The following MEPE variants were observed in gnomAD, a reference collection of about 807,000 sequenced individuals.
The protein encoded by MEPE is matrix extracellular phosphoglycoprotein, also known as matrix, extracellular phosphoglycoprotein with ASARM motif (bone).
A neutral mutation model predicts 7.3 loss-of-function variants in MEPE; 7 were observed. That is an observed-to-expected ratio of 0.95 (90% confidence interval 0.54 to 1.79). The LOEUF is 1.79. Ranked by LOEUF, MEPE falls within the 40% of genes most tolerant of loss-of-function variation. The pLI is 0.00. For missense variants in MEPE, 623 were observed against 628.2 expected (o/e 0.99, Z 0.09); for synonymous variants, 214 against 213.1 (o/e 1.00, Z -0.04).
At chr4:87,828,934 A>G (rs1324574911), upstream of MEPE, among the ~76,000 whole-genome samples, 1 of 152,160 alleles carries the variant, frequency 6.6e-6, no homozygotes, top group Non-Finnish European at 1.5e-5. Flanking sequence ...TTTTCCAGTT[A>G]AATAGAGATG....
At chr4:87,838,953 C>T (rs952054581) in intron 3 of MEPE, among the ~76,000 whole-genome samples, 2 of 152,210 alleles carry the variant, frequency 1.3e-5, no homozygotes, top group African/African-American at 4.8e-5. Context: ...GCCAGGCAAC[C>T]TTCATGGGGC....
At chr4:87,840,959 A>G (rs1226363782) in intron 3 of MEPE, among the ~76,000 whole-genome samples, 1 of 152,244 alleles carries the variant, frequency 6.6e-6, no homozygotes, top group African/African-American at 2.4e-5. Flanking sequence ...ATTTAACACA[A>G]GCAAATGTAA....
At chr4:87,832,389 C>T (rs1446205292), upstream of MEPE, among the ~76,000 whole-genome samples, 1 of 152,158 alleles carries the variant, frequency 6.6e-6, no homozygotes, top group African/African-American at 2.4e-5. Flanking sequence ...ACCCCCAATG[C>T]TTGTTACTCC....
intron 1 of MEPE, among the ~76,000 whole-genome samples, chr4:87,824,334 T>C (rs1391021525): frequency 6.6e-6 from 1 of 152,236 alleles, no homozygotes; most frequent in African/African-American, 2.4e-5. Context: ...TACAGAATTC[T>C]GAAAGACAGT....
At chr4:87,822,765 T>G (rs1236474404) in intron 1 of MEPE, among the ~76,000 whole-genome samples, 1 of 152,112 alleles carries the variant, frequency 6.6e-6, no homozygotes, top group Non-Finnish European at 1.5e-5. Flanking sequence ...CAACTGAAAC[T>G]AAAGAGACGA....
At chr4:87,841,143 C>T (rs922675284) in intron 3 of MEPE, among the ~76,000 whole-genome samples, 24 of 151,802 alleles carry the variant, frequency 1.6e-4, no homozygotes, top group Admixed American at 1.4e-3. Flanking sequence ...AGAGAAGCAC[C>T]GAAAATAAAA....
At chr4:87,823,553 C>G (rs576791370) in intron 1 of MEPE, among the ~76,000 whole-genome samples, 18 of 152,328 alleles carry the variant, frequency 1.2e-4, no homozygotes, top group African/African-American at 3.8e-4. Context: ...TTTTGCAAAA[C>G]TAAAGCTTTA....
chr4:87,840,107 A>G (rs13130999), intron 3 of MEPE: 272,880 of 1,517,970 alleles, frequency 0.18, 25,905 homozygotes, highest in Middle Eastern at 0.22. Context: ...GTGTTTTATA[A>G]GAAAGTTTTC....
At chr4:87,822,225 G>A (rs1020767706) in intron 1 of MEPE, among the ~76,000 whole-genome samples, 10 of 152,126 alleles carry the variant, frequency 6.6e-5, no homozygotes, top group African/African-American at 1.9e-4. Context: ...TTTGATTGGC[G>A]TATTATTTCA....
chr4:87,835,615 G>A lies in MEPE; in HGVS notation c.54+847G>A, dbSNP rs1722757471. 2.0e-5 allele frequency among the ~76,000 whole-genome samples: 3 copies of A among 152,174 alleles called. No homozygotes were observed. In the South Asian group the frequency reaches 6.2e-4, roughly 32 times the overall value. On this transcript the variant is annotated intron_variant, in intron 2 of 3. Coordinates refer to ENST00000361056, the MANE Select transcript of MEPE (RefSeq NM_020203.6). The stretch of plus-strand genomic sequence containing the variant: ...GACCAGGGAAGCAGAGGGCCTCATG[G>A]AGGGCAGTGGAAGTTGGGGAAATGT...
intron 3 of MEPE, among the ~76,000 whole-genome samples, chr4:87,843,750 T>G (rs1723101172): frequency 6.6e-6 from 1 of 152,194 alleles, no homozygotes; most frequent in Admixed American, 6.5e-5. Context: ...CAGTCTCTTT[T>G]AGTTAAAAAT....
upstream of MEPE, among the ~76,000 whole-genome samples, chr4:87,829,580 C>G (rs1722548847): frequency 6.6e-6 from 1 of 152,198 alleles, no homozygotes; most frequent in South Asian, 2.1e-4. Flanking sequence ...CAAGTGTTTG[C>G]TCTATAACTG....
At chr4:87,822,812 G>A (rs1722368661) in intron 1 of MEPE, among the ~76,000 whole-genome samples, 1 of 152,228 alleles carries the variant, frequency 6.6e-6, no homozygotes, top group African/African-American at 2.4e-5. Context: ...CCACAAGGTA[G>A]GGAGGTGGGT....
At chr4:87,832,187 G>C (rs1018414066), upstream of MEPE, among the ~76,000 whole-genome samples, 5 of 152,014 alleles carry the variant, frequency 3.3e-5, no homozygotes, top group South Asian at 6.2e-4. Context: ...TTCATACTGG[G>C]GTCTGCCTTC....
At position 87,845,554 on chromosome 4, in the gene MEPE, T is replaced by C. The variant is rs763803449; in HGVS notation, c.686T>C (p.Val229Ala). The change falls in exon 4 of 4, where the codon GTC becomes GCC. Residue 229 changes from valine (V) to alanine (A), a missense_variant. Transcript: ENST00000361056. ...NIDYLKHLSK[V>A]KKIPSDFEGS... ...GACTACCTAAAACATCTCTCAAAAGTCAAAAAAATCCCCAGTGATTTTGAA... is the reference window on the plus strand; with the variant it reads ...GACTACCTAAAACATCTCTCAAAAGCCAAAAAAATCCCCAGTGATTTTGAA... 3 of 1,611,142 alleles carry C rather than the reference T, an allele frequency of 1.9e-6. No homozygotes were observed. Among genetic ancestry groups the C allele is most frequent in the South Asian group, 1.1e-5 (1 of 90,448 alleles).
At chr4:87,837,654 T>C (rs1722850368) in intron 2 of MEPE, 1 of 152,222 alleles carries the variant, frequency 6.6e-6, no homozygotes, top group South Asian at 2.1e-4. Flanking sequence ...CTCTCTTTTA[T>C]ATGATTGATC....
intron 2 of MEPE, among the ~76,000 whole-genome samples, chr4:87,835,419 C>T (rs1372796207): frequency 6.6e-6 from 1 of 152,190 alleles, no homozygotes; most frequent in Admixed American, 6.5e-5. Flanking sequence ...TTATTTTCTG[C>T]AATGCAGACA....
intron 3 of MEPE, among the ~76,000 whole-genome samples, chr4:87,840,601 TTCTCTC>T (rs1337104590): frequency 2.0e-5 from 3 of 152,182 alleles, no homozygotes; most frequent in Admixed American, 6.5e-5. Flanking sequence ...AACAAATTCT[TTCTCTC>T]CAGGATCTTA....
chr4:87,830,497 A>C (rs1578053020), upstream of MEPE, among the ~76,000 whole-genome samples: 1 of 152,148 alleles, frequency 6.6e-6, no homozygotes, highest in African/African-American at 2.4e-5. Flanking sequence ...CAAATACCAC[A>C]TGTTCTCACT....
Sources: gnomAD v4.1 joint callset for allele counts (sites outside exome capture counted in the v4.1 genomes callset) on GRCh38, gnomAD v4.1.1 for gene constraint, MANE v1.5 for transcripts, NCBI Gene and HGNC (gene_info 2026-07-23, HGNC 2026-07-21) for gene names.